The following STIM1 variants were observed in gnomAD, a reference collection of about 807,000 sequenced individuals.
The protein encoded by STIM1 is stromal interaction molecule 1.
A neutral mutation model predicts 74.7 loss-of-function variants in STIM1; 25 were observed. The observed-to-expected ratio is 0.33, with a 90% confidence interval of 0.24 to 0.47. The LOEUF (loss-of-function observed/expected upper bound fraction) is 0.47. STIM1 is among the 20% of genes least tolerant of loss of function. The pLI is 1.00. For synonymous variants in STIM1, 328 were observed against 348.8 expected, an observed-to-expected ratio of 0.94 and a Z score of 0.66; for missense variants, 728 against 920.8, an observed-to-expected ratio of 0.79 and a Z score of 2.71.
At chr11:4,061,407 G>A (rs150861754) in intron 5 of STIM1, among the ~76,000 whole-genome samples, 239 of 152,296 alleles carry the variant, frequency 1.6e-3, no homozygotes, top group African/African-American at 5.3e-3. Flanking sequence ...ATCTTCCTGA[G>A]ATAGGCAGAA....
intron 3 of STIM1, among the ~76,000 whole-genome samples, chr11:4,049,014 G>T (rs1013100663): frequency 6.6e-6 from 1 of 152,192 alleles, no homozygotes; most frequent in African/African-American, 2.4e-5. Flanking sequence ...GATTACAGGC[G>T]TAAGCCACTG....
chr11:3,939,978 T>A (rs906199712), intron 1 of STIM1, among the ~76,000 whole-genome samples: 1 of 152,240 alleles, frequency 6.6e-6, no homozygotes, highest in Admixed American at 6.5e-5. Context: ...CTCCACCCAC[T>A]GTAAATCTTT....
intron 1 of STIM1, among the ~76,000 whole-genome samples, chr11:3,946,641 G>T (rs984688068): frequency 6.6e-6 from 1 of 151,990 alleles, no homozygotes; most frequent in African/African-American, 2.4e-5. Context: ...TTTTAATTTT[G>T]GCTCCTTTAG....
chr11:3,986,468 G>A (rs1565137461), intron 2 of STIM1, among the ~76,000 whole-genome samples: 1 of 152,142 alleles, frequency 6.6e-6, no homozygotes, highest in Non-Finnish European at 1.5e-5. Context: ...AAGGCAGGCT[G>A]TAGCCAGATT....
Position 3,880,209 on chromosome 11 carries a change from C to G in STIM1, c.139+23800C>G, listed in dbSNP as rs1205516576. On this transcript the variant is annotated intron_variant, in intron 1 of 12. Transcript: ENST00000526596. ...AATGTATTTAAGGGCCACATAATGG[C>G]CTGTGAAAACAGTATTTGTTGTTGG... Among the ~76,000 whole-genome samples, 8 of 152,262 alleles carry G rather than the reference C, an allele frequency of 5.3e-5. No homozygotes were observed. In the East Asian group the frequency reaches 1.2e-3, roughly 22 times the overall value.
At chr11:4,005,284 G>A (rs1032475429) in intron 2 of STIM1, among the ~76,000 whole-genome samples, 6 of 152,084 alleles carry the variant, frequency 3.9e-5, no homozygotes, top group Admixed American at 2.6e-4. Flanking sequence ...ACATGCACGC[G>A]TATGTTTATT....
At chr11:3,897,640 C>G (rs990583915) in intron 1 of STIM1, among the ~76,000 whole-genome samples, 2 of 152,078 alleles carry the variant, frequency 1.3e-5, no homozygotes, top group Admixed American at 1.3e-4. Context: ...TTAGGTATAT[C>G]TCCTAAAGCT....
intron 1 of STIM1, among the ~76,000 whole-genome samples, chr11:3,901,176 G>A (rs1269438484): frequency 6.6e-6 from 1 of 152,096 alleles, no homozygotes; most frequent in East Asian, 1.9e-4. Flanking sequence ...GAGAGACTCA[G>A]CCTCAAAAAA....
intron 1 of STIM1, among the ~76,000 whole-genome samples, chr11:3,886,951 C>T (rs1188373173): frequency 6.7e-6 from 1 of 150,358 alleles, no homozygotes; most frequent in Non-Finnish European, 1.5e-5. Flanking sequence ...TGCAGTGAGC[C>T]GAGATCGCAC....
intron 3 of STIM1, among the ~76,000 whole-genome samples, chr11:4,045,918 C>A (rs1478228666): frequency 6.6e-6 from 1 of 151,030 alleles, no homozygotes; most frequent in Non-Finnish European, 1.5e-5. Flanking sequence ...AGGCACGTGA[C>A]ACCATGCCCA....
chr11:3,954,909 GA>G (rs2093192863), intron 1 of STIM1, among the ~76,000 whole-genome samples: 1 of 152,094 alleles, frequency 6.6e-6, no homozygotes, highest in Admixed American at 6.5e-5. Context: ...ATTTGCTCAA[GA>G]AAAATGAAAA....
chr11:3,994,880 C>T (rs893674912), intron 2 of STIM1, among the ~76,000 whole-genome samples: 3 of 152,108 alleles, frequency 2.0e-5, no homozygotes, highest in African/African-American at 4.8e-5. Context: ...ATCAGTCTCT[C>T]TTGAAGTTTG....
intron 2 of STIM1, among the ~76,000 whole-genome samples, chr11:4,010,793 A>G (rs748458892): frequency 1.3e-5 from 2 of 152,222 alleles, no homozygotes; most frequent in Middle Eastern, 3.4e-3. Flanking sequence ...ATAGGTATAC[A>G]TATGCCATGT....
chr11:4,000,136 A>C (rs1437712731), intron 2 of STIM1, among the ~76,000 whole-genome samples: 1 of 151,732 alleles, frequency 6.6e-6, no homozygotes, highest in African/African-American at 2.4e-5. Flanking sequence ...CTGCCTCTGT[A>C]GGCTCCACCT....
In STIM1 at chr11:3,864,014, G is replaced by A. The variant is rs114292362; in HGVS notation, c.139+7605G>A. On this transcript the variant is annotated intron_variant, in intron 1 of 12. Transcript: ENST00000526596. The stretch of plus-strand genomic sequence containing the variant: ...ATGCATCCCCCGAGAATAAAGGAGG[G>A]CTGCTGTAGTTTCATTGTCTCACTT... 7.7e-3 allele frequency among the ~76,000 whole-genome samples: 1,174 copies of A among 152,014 alleles called. 16 individuals carry two copies. The highest frequency in any genetic ancestry group is 0.026 in the African/African-American group (1,075 of 41,442).
intron 5 of STIM1, among the ~76,000 whole-genome samples, chr11:4,059,706 ACTT>A: frequency 6.6e-6 from 1 of 152,292 alleles, no homozygotes; most frequent in South Asian, 2.1e-4. Flanking sequence ...GGTACACAGT[ACTT>A]CTGAGGCCCA....
intron 1 of STIM1, among the ~76,000 whole-genome samples, chr11:3,953,311 A>C (rs899059902): frequency 2.0e-5 from 3 of 152,210 alleles, no homozygotes; most frequent in Non-Finnish European, 4.4e-5. Flanking sequence ...AAGGCAAAGC[A>C]AGGATGTTCT....
At chr11:4,017,142 C>T (rs557323658) in intron 2 of STIM1, among the ~76,000 whole-genome samples, 7 of 152,318 alleles carry the variant, frequency 4.6e-5, no homozygotes, top group African/African-American at 1.2e-4. Flanking sequence ...AGAAATCACC[C>T]GTCTTCTGCA....
Position 4,084,445 on chromosome 11 carries a change from G to C in STIM1, c.1475-228G>C, listed in dbSNP as rs80254492. Among the ~76,000 whole-genome samples, 247 of 152,176 alleles carry C rather than the reference G, an allele frequency of 1.6e-3. 8 individuals carry two copies. The East Asian group carries it at 0.041, about 25-fold the overall frequency. On this transcript the variant is annotated intron_variant, in intron 10 of 12. Coordinates refer to ENST00000526596, the MANE Select transcript of STIM1 (RefSeq NM_001382567.1). ...CTTTGTTCTTCTAATCTGATAACTC[G>C]TTAGGCCTTTAATCAAAGGCTTAAC...
Sources: allele counts gnomAD v4.1 joint callset (sites outside exome capture counted in the v4.1 genomes callset), GRCh38; gene constraint gnomAD v4.1.1; transcripts MANE v1.5; gene names NCBI Gene and HGNC (gene_info 2026-07-23, HGNC 2026-07-21).